The following COXFA4L2 variants were observed in gnomAD, a reference collection of about 807,000 sequenced individuals.
COXFA4L2 encodes cytochrome c oxidase hypoxia associated subunit FA4L2, also known as NADH dehydrogenase (ubiquinone) 1 alpha subcomplex, 4-like 2.
the COXFA4L2 span, chr12:57,237,294 AGTGGTTTCT>A: frequency 2.1e-6 from 3 of 1,433,246 alleles, no homozygotes; most frequent in Admixed American, 2.8e-5. Context: ...CTGGGAGCCA[AGTGGTTTCT>A]GCTCTCCGAC....
At chr12:57,238,410 G>A in the COXFA4L2 span, among the ~76,000 whole-genome samples, 5 of 152,170 alleles carry the variant, frequency 3.3e-5, no homozygotes, top group Non-Finnish European at 7.4e-5. This position sits in a 1 kb window ranked among gnomAD's most constrained non-coding sequence, Gnocchi z 6.8. Flanking sequence ...ATGTGTGTGG[G>A]GGGGGCGGGG....
At chr12:57,240,453 T>C in the COXFA4L2 span, 1 of 153,176 alleles carries the variant, frequency 6.5e-6, no homozygotes. Flanking sequence ...ACGCGGCTGT[T>C]TCTTCAATAA....
chr12:57,235,460 G>T, the COXFA4L2 span: 1 of 1,263,750 alleles, frequency 7.9e-7, no homozygotes. Context: ...GCAGTAGCGG[G>T]ACAGGGTGGC....
the COXFA4L2 span, chr12:57,236,107 T>C: frequency 8.1e-6 from 3 of 371,712 alleles, no homozygotes; most frequent in South Asian, 3.3e-4. Context: ...AAGAGCAGAG[T>C]CGTGGGAATC....
chr12:57,239,007 T>C, the COXFA4L2 span, among the ~76,000 whole-genome samples: 2 of 152,202 alleles, frequency 1.3e-5, no homozygotes, highest in African/African-American at 4.8e-5. This position sits in a 1 kb window ranked among gnomAD's most constrained non-coding sequence, Gnocchi z 5.5. Context: ...CTCCCCACAC[T>C]TTCCCACCAC....
chr12:57,237,469 G>T, the COXFA4L2 span: 1 of 624,002 alleles, frequency 1.6e-6, no homozygotes, highest in Non-Finnish European at 2.3e-6. Flanking sequence ...TGTGTGGAAT[G>T]TTCACAGGTG....
chr12:57,238,408 G>T, the COXFA4L2 span, among the ~76,000 whole-genome samples: 5 of 135,074 alleles, frequency 3.7e-5, no homozygotes, highest in East Asian at 3.9e-4. The surrounding 1 kb of genome is among the most constrained non-coding windows in gnomAD (Gnocchi z 6.8). Context: ...CGATGTGTGT[G>T]GGGGGGGCGG....
the COXFA4L2 span, chr12:57,236,596 A>ACGT: frequency 6.3e-7 from 1 of 1,578,638 alleles, no homozygotes; most frequent in Non-Finnish European, 8.6e-7. Context: ...CCTTTACCAG[A>ACGT]CGTCGGGGCT....
At chr12:57,238,164 C>T in the COXFA4L2 span, among the ~76,000 whole-genome samples, 1 of 152,158 alleles carries the variant, frequency 6.6e-6, no homozygotes, top group Non-Finnish European at 1.5e-5. This position sits in a 1 kb window ranked among gnomAD's most constrained non-coding sequence, Gnocchi z 6.8. Flanking sequence ...CTGTGGAGGG[C>T]GCGGGCGGGA....
the COXFA4L2 span, chr12:57,235,107 G>A: frequency 2.3e-5 from 4 of 173,798 alleles, no homozygotes; most frequent in Admixed American, 1.7e-4. Context: ...GCCTGGGCAG[G>A]CCCTGGACCA....
the COXFA4L2 span, chr12:57,237,007 T>C: frequency 1.2e-6 from 2 of 1,613,812 alleles, no homozygotes; most frequent in Non-Finnish European, 1.7e-6. Flanking sequence ...GAGTTAGAGG[T>C]TCTGAGGTTC....
the COXFA4L2 span, among the ~76,000 whole-genome samples, chr12:57,238,949 C>A: frequency 6.6e-6 from 1 of 152,246 alleles, no homozygotes; most frequent in Non-Finnish European, 1.5e-5. This position sits in a 1 kb window ranked among gnomAD's most constrained non-coding sequence, Gnocchi z 6.8. Context: ...CCCATGGGGC[C>A]GATCTGGAAT....
the COXFA4L2 span, chr12:57,236,398 T>A: frequency 5.7e-6 from 3 of 529,830 alleles, 1 homozygote; most frequent in South Asian, 8.5e-5. Context: ...CGGGCCAAGC[T>A]GAGGAGTGAG....
At chr12:57,236,307 C>A in the COXFA4L2 span, 1 of 464,494 alleles carries the variant, frequency 2.2e-6, no homozygotes, top group Admixed American at 4.0e-5. Flanking sequence ...TAGAGGTACC[C>A]AAAAGCCCAA....
chr12:57,236,337 G>T, the COXFA4L2 span: 959 of 478,882 alleles, frequency 2.0e-3, 6 homozygotes, highest in African/African-American at 0.017. Context: ...TGGCTGAGCG[G>T]CGTCGTCATG....
chr12:57,236,619 T>A, the COXFA4L2 span: 1 of 1,582,784 alleles, frequency 6.3e-7, no homozygotes, highest in South Asian at 1.2e-5. Flanking sequence ...GAAGGGCGAG[T>A]CGCAGCAAGT....
the COXFA4L2 span, chr12:57,235,727 C>T: frequency 6.2e-7 from 1 of 1,608,168 alleles, no homozygotes. Context: ...TGGGGGGCAA[C>T]CCTAGAGCCA....
At chr12:57,236,441 TC>T in the COXFA4L2 span, 8 of 618,610 alleles carry the variant, frequency 1.3e-5, no homozygotes, top group African/African-American at 9.6e-5. Context: ...TACGGGGGTC[TC>T]CCAGGTCAGC....
At chr12:57,240,597 G>C in the COXFA4L2 span, 1 of 914,916 alleles carries the variant, frequency 1.1e-6, no homozygotes, top group Non-Finnish European at 1.3e-6. Flanking sequence ...GCGCACGTGC[G>C]TCACACTGTC....
Sources: allele counts gnomAD v4.1 joint callset (sites outside exome capture counted in the v4.1 genomes callset), GRCh38; gene constraint gnomAD v4.1.1; non-coding constraint Gnocchi (gnomAD v3.1); transcripts MANE v1.5; gene names NCBI Gene and HGNC (gene_info 2026-07-23, HGNC 2026-07-21).